The following MACROD1 variants were observed in gnomAD, a reference collection of about 807,000 sequenced individuals.
MACROD1 encodes the protein mono-ADP ribosylhydrolase 1.
Under a neutral mutation model 41.4 loss-of-function variants are expected in MACROD1, and 31 were observed. The observed-to-expected ratio is 0.75, with a 90% CI of 0.56 to 1.01. The LOEUF (loss-of-function observed/expected upper bound fraction) is 1.01. Among genes scored for constraint, MACROD1 ranks in the 50% least tolerant of loss-of-function variants. The probability of loss-of-function intolerance (pLI) is 0.00; values close to 1 mark genes in which losing one functional copy is unlikely to be tolerated. For synonymous variants in MACROD1, 252 were observed against 203.4 expected (o/e 1.24, Z -2.03); for missense variants, 473 against 460.0 (o/e 1.03, Z -0.26).
intron 3 of MACROD1, among the ~76,000 whole-genome samples, chr11:64,110,503 T>C (rs1944842295): frequency 6.6e-6 from 1 of 151,168 alleles, no homozygotes; most frequent in Non-Finnish European, 1.5e-5. Flanking sequence ...GAGGCAGGAT[T>C]TGAACCCAGG....
At chr11:64,106,521 A>G (rs928446427) in intron 3 of MACROD1, among the ~76,000 whole-genome samples, 7 of 152,228 alleles carry the variant, frequency 4.6e-5, no homozygotes, top group Non-Finnish European at 1.0e-4. Context: ...CATGATAAAT[A>G]AATAGGGAGG....
intron 3 of MACROD1, among the ~76,000 whole-genome samples, chr11:64,126,294 A>G (rs1260488791): frequency 6.6e-6 from 1 of 152,126 alleles, no homozygotes; most frequent in Non-Finnish European, 1.5e-5. Flanking sequence ...ATGGGGAGGA[A>G]GCCACACGGC....
chr11:64,057,499 C>T (rs1943811088), intron 3 of MACROD1, among the ~76,000 whole-genome samples: 1 of 152,212 alleles, frequency 6.6e-6, no homozygotes, highest in Non-Finnish European at 1.5e-5. Flanking sequence ...GGAAGGCTGG[C>T]GTGGAGGCAA....
At chr11:64,014,167 C>A (rs1225677427) in intron 4 of MACROD1, among the ~76,000 whole-genome samples, 1 of 148,170 alleles carries the variant, frequency 6.7e-6, no homozygotes, top group African/African-American at 2.5e-5. Flanking sequence ...GTGGGTGGGA[C>A]ATGCAGGTGT....
chr11:64,134,201 A>T (rs1047464312), intron 3 of MACROD1, among the ~76,000 whole-genome samples: 71 of 152,328 alleles, frequency 4.7e-4, no homozygotes, highest in African/African-American at 1.6e-3. Context: ...GGGATTCCAA[A>T]GAAGCCAAGA....
intron 3 of MACROD1, among the ~76,000 whole-genome samples, chr11:64,058,282 C>G (rs1483753406): frequency 6.6e-6 from 1 of 152,388 alleles, no homozygotes; most frequent in South Asian, 2.1e-4. Flanking sequence ...CAGTTGGGGA[C>G]TACTGTCGGC....
chr11:64,060,698 ATTC>A (rs1943883264), intron 3 of MACROD1: 1 of 152,198 alleles, frequency 6.6e-6, no homozygotes, highest in African/African-American at 2.4e-5. Context: ...TCATTCATTC[ATTC>A]ATTCATTCAT....
At chr11:64,051,378 C>G (rs982390674) in intron 3 of MACROD1, among the ~76,000 whole-genome samples, 28 of 152,184 alleles carry the variant, frequency 1.8e-4, no homozygotes, top group Admixed American at 6.5e-5. Flanking sequence ...GCTAGAGAGG[C>G]AGCAGGGACT....
intron 3 of MACROD1, among the ~76,000 whole-genome samples, chr11:64,078,449 G>A (rs959087882): frequency 2.6e-5 from 4 of 152,188 alleles, no homozygotes; most frequent in Non-Finnish European, 4.4e-5. Context: ...ATCCAATTAC[G>A]CCAGGAAACA....
chr11:64,026,553 G>A (rs1943226584), intron 3 of MACROD1, among the ~76,000 whole-genome samples: 3 of 152,170 alleles, frequency 2.0e-5, no homozygotes. Context: ...ACTAGTTATT[G>A]CCAAATTGCT....
intron 3 of MACROD1, 58 bp downstream of exon 3, chr11:64,151,176 CAGCAG>C (rs1945570458): frequency 7.0e-7 from 1 of 1,424,592 alleles, no homozygotes. Flanking sequence ...AGGCCTGGCA[CAGCAG>C]AGCAGAGCAA....
At chr11:64,032,208 G>A (rs1943304334) in intron 3 of MACROD1, among the ~76,000 whole-genome samples, 1 of 152,188 alleles carries the variant, frequency 6.6e-6, no homozygotes, top group African/African-American at 2.4e-5. Flanking sequence ...AGCCAGGGGT[G>A]GCCCAGCTTT....
At chr11:64,142,976 AGGGGTG>A (rs1431900148) in intron 3 of MACROD1, among the ~76,000 whole-genome samples, 1 of 151,870 alleles carries the variant, frequency 6.6e-6, no homozygotes, top group Non-Finnish European at 1.5e-5. Context: ...ATTAGCTGGG[AGGGGTG>A]GCATGCCTGT....
chr11:64,073,616 G>C (rs548477113), intron 3 of MACROD1, among the ~76,000 whole-genome samples: 5 of 152,330 alleles, frequency 3.3e-5, no homozygotes, highest in Admixed American at 2.6e-4. Flanking sequence ...GTGCAGGCCA[G>C]AGCCAGCGCT....
At chr11:64,012,021 T>C (rs558145350) in intron 4 of MACROD1, among the ~76,000 whole-genome samples, 216 of 152,178 alleles carry the variant, frequency 1.4e-3, no homozygotes, top group Non-Finnish European at 2.5e-3. Flanking sequence ...TGTGTTCCAA[T>C]CACATTAGCA....
intron 5 of MACROD1, chr11:64,000,005 G>C: frequency 4.7e-6 from 3 of 637,464 alleles, no homozygotes; most frequent in Non-Finnish European, 8.1e-6. Flanking sequence ...GAGTGTGGGC[G>C]CGAAGGCGTT....
Position 64,144,792 on chromosome 11 carries a change from G to A in MACROD1, c.517+6447C>T, listed in dbSNP as rs1043222749. ...AGAGGTTTCTGCTGTCGTGGTGGCC[G>A]GCAAGCCTCAGCAAACACATTAAAA... On this transcript the variant is annotated intron_variant, in intron 3 of 10. Coordinates refer to ENST00000255681, the MANE Select transcript of MACROD1 (RefSeq NM_014067.4). Among the ~76,000 whole-genome samples the A allele has an allele frequency of 8.9e-4, 136 of 152,212 alleles. 2 individuals carry two copies. The highest frequency in any genetic ancestry group is 8.6e-3 in the Admixed American group (131 of 15,290).
intron 3 of MACROD1, among the ~76,000 whole-genome samples, chr11:64,084,054 A>T (rs1334722620): frequency 6.6e-6 from 1 of 152,116 alleles, no homozygotes; most frequent in Non-Finnish European, 1.5e-5. Context: ...TGAGGCAGAG[A>T]CTGAGGTTTC....
chr11:64,056,990 C>A (rs1943797751), intron 3 of MACROD1, among the ~76,000 whole-genome samples: 1 of 152,210 alleles, frequency 6.6e-6, no homozygotes, highest in Non-Finnish European at 1.5e-5. Context: ...TTGGCCCTTC[C>A]TTTCAGCTTC....
Sources: gnomAD v4.1 joint callset for allele counts (sites outside exome capture counted in the v4.1 genomes callset) on GRCh38, gnomAD v4.1.1 for gene constraint, MANE v1.5 for transcripts, NCBI Gene and HGNC (gene_info 2026-07-23, HGNC 2026-07-21) for gene names.